XKR4: variants seen among roughly 807,000 people sequenced by gnomAD.
XKR4 encodes the protein XK related 4.
Under a neutral mutation model 53.9 loss-of-function variants are expected in XKR4, and 12 were observed. The ratio of observed to expected loss-of-function variants is 0.22; its 90% CI spans 0.14 to 0.36. The LOEUF is 0.36. XKR4 is among the 10% of genes least tolerant of loss of function. XKR4 has a pLI of 1.00. For missense variants in XKR4, 799 were observed against 859.5 expected (o/e 0.93, Z 0.88); for synonymous variants, 354 against 362.4 (o/e 0.98, Z 0.26).
At chr8:55,465,831 T>G (rs1384252430) in intron 2 of XKR4, among the ~76,000 whole-genome samples, 3 of 152,094 alleles carry the variant, frequency 2.0e-5, no homozygotes, top group South Asian at 2.1e-4. Context: ...GCAAAGGATA[T>G]GAACAGACAC....
chr8:55,289,606 A>AAAGAAAG (rs1491126798), intron 1 of XKR4, among the ~76,000 whole-genome samples: 1 of 127,082 alleles, frequency 7.9e-6, no homozygotes, highest in East Asian at 2.1e-4. Context: ...AGAAAGAAAG[A>AAAGAAAG]AAGAAAGAAA....
chr8:55,313,567 A>G (rs1324077681), intron 1 of XKR4, among the ~76,000 whole-genome samples: 1 of 152,218 alleles, frequency 6.6e-6, no homozygotes, highest in African/African-American at 2.4e-5. Flanking sequence ...TCTGGAAGCC[A>G]CTAGATGGGG....
At chr8:55,158,863 T>G (rs1276782101) in intron 1 of XKR4, among the ~76,000 whole-genome samples, 2 of 152,240 alleles carry the variant, frequency 1.3e-5, no homozygotes, top group Admixed American at 1.3e-4. Context: ...ACCAATACCA[T>G]GCTGTTTTGG....
intron 2 of XKR4, among the ~76,000 whole-genome samples, chr8:55,376,473 T>C (rs1563335788): frequency 6.6e-6 from 1 of 152,226 alleles, no homozygotes; most frequent in African/African-American, 2.4e-5. Flanking sequence ...CTTTCTCTAA[T>C]GATCAGTGAT....
intron 1 of XKR4, among the ~76,000 whole-genome samples, chr8:55,334,024 C>A (rs1400603910): frequency 6.6e-6 from 1 of 152,138 alleles, no homozygotes; most frequent in Non-Finnish European, 1.5e-5. Flanking sequence ...CCTGAGAGAA[C>A]AAGGATCTGG....
intron 2 of XKR4, among the ~76,000 whole-genome samples, chr8:55,513,528 C>T (rs768716664): frequency 6.6e-6 from 1 of 152,216 alleles, no homozygotes; most frequent in African/African-American, 2.4e-5. Flanking sequence ...CAAGTGCTTG[C>T]CTGCTGTCCT....
chr8:55,215,824 A>C, intron 1 of XKR4, among the ~76,000 whole-genome samples: 1 of 152,210 alleles, frequency 6.6e-6, no homozygotes, highest in Non-Finnish European at 1.5e-5. Flanking sequence ...TTTCCTTTAA[A>C]ATCAACAGCA....
At chr8:55,209,368 T>C (rs927678704) in intron 1 of XKR4, among the ~76,000 whole-genome samples, 2 of 152,156 alleles carry the variant, frequency 1.3e-5, no homozygotes, top group African/African-American at 2.4e-5. Context: ...AATCAATTAA[T>C]CTGCTCGTCA....
chr8:55,477,195 T>A (rs1194185113), intron 2 of XKR4, among the ~76,000 whole-genome samples: 1 of 152,034 alleles, frequency 6.6e-6, no homozygotes, highest in Non-Finnish European at 1.5e-5. Flanking sequence ...GAGACAAAAC[T>A]TCCAGAGGAA....
intron 1 of XKR4, among the ~76,000 whole-genome samples, chr8:55,195,897 C>G (rs1383270698): frequency 2.6e-5 from 4 of 152,162 alleles, no homozygotes; most frequent in African/African-American, 9.7e-5. Context: ...CCAAACCTGC[C>G]AAATCAGTCT....
intron 2 of XKR4, among the ~76,000 whole-genome samples, chr8:55,358,720 T>A (rs1240777210): frequency 6.6e-6 from 1 of 152,254 alleles, no homozygotes; most frequent in Non-Finnish European, 1.5e-5. Flanking sequence ...ACTAAATAGA[T>A]GCTGTTACAC....
intron 2 of XKR4, among the ~76,000 whole-genome samples, chr8:55,370,494 T>C (rs1415785426): frequency 6.6e-6 from 1 of 152,206 alleles, no homozygotes; most frequent in African/African-American, 2.4e-5. Flanking sequence ...TAAGAGCAGC[T>C]TCATCTTCAT....
At chr8:55,238,315 G>A (rs1349559730) in intron 1 of XKR4, among the ~76,000 whole-genome samples, 1 of 152,202 alleles carries the variant, frequency 6.6e-6, no homozygotes, top group South Asian at 2.1e-4. Flanking sequence ...GGAGAGGGAA[G>A]CAGAATTCAG....
At chr8:55,450,122 G>A (rs926281573) in intron 2 of XKR4, 5 of 696,970 alleles carry the variant, frequency 7.2e-6, no homozygotes, top group South Asian at 1.4e-5. Context: ...TTAGCGGGTC[G>A]GCTCAGCTCT....
chr8:55,160,254 G>A (rs1228224518), intron 1 of XKR4, among the ~76,000 whole-genome samples: 2 of 152,218 alleles, frequency 1.3e-5, no homozygotes, highest in Non-Finnish European at 2.9e-5. Flanking sequence ...TATTTAAGAT[G>A]TGGTGTTTTC....
intron 1 of XKR4, among the ~76,000 whole-genome samples, chr8:55,320,857 T>C (rs180739485): frequency 6.4e-4 from 98 of 152,138 alleles, no homozygotes; most frequent in African/African-American, 2.3e-3. Context: ...TCTGTCGTAG[T>C]TTTTTATGTA....
At chr8:55,292,923 T>C (rs1239042961) in intron 1 of XKR4, among the ~76,000 whole-genome samples, 1 of 152,236 alleles carries the variant, frequency 6.6e-6, no homozygotes, top group East Asian at 1.9e-4. Flanking sequence ...TTGTTTGGTG[T>C]CCATGTGTTT....
At chr8:55,173,828 T>G (rs1483496643) in intron 1 of XKR4, among the ~76,000 whole-genome samples, 1 of 152,222 alleles carries the variant, frequency 6.6e-6, no homozygotes, top group Admixed American at 6.5e-5. Flanking sequence ...AAGGGAAGGT[T>G]ATGCCTCACT....
intron 1 of XKR4, among the ~76,000 whole-genome samples, chr8:55,264,643 G>T (rs986628783): frequency 3.3e-5 from 5 of 152,196 alleles, no homozygotes; most frequent in African/African-American, 1.2e-4. Flanking sequence ...AAGAAATCAT[G>T]TAAAGGGAAG....
Sources: allele counts gnomAD v4.1 joint callset (sites outside exome capture counted in the v4.1 genomes callset), GRCh38; gene constraint gnomAD v4.1.1; transcripts MANE v1.5; gene names NCBI Gene and HGNC (gene_info 2026-07-23, HGNC 2026-07-21).